TENM3: variants seen among roughly 807,000 people sequenced by gnomAD.
TENM3 encodes the protein teneurin transmembrane protein 3, also known as teneurin-3.
In TENM3, 63 loss-of-function variants were observed where a neutral mutation model predicts 255.1. That is an observed-to-expected ratio of 0.25 (90% CI 0.20 to 0.30). The LOEUF (loss-of-function observed/expected upper bound fraction) is 0.30. Ranked by LOEUF, TENM3 falls within the 10% of genes least tolerant of loss-of-function variation. The pLI, the probability that TENM3 is intolerant of heterozygous loss-of-function variation, is 1.00. For synonymous variants in TENM3, 1,306 were observed against 1,322.3 expected (o/e 0.99, Z 0.27); for missense variants, 2,929 against 3,461.1 (o/e 0.85, Z 3.86).
chr4:182,755,732 C>T (rs568472959), intron 22 of TENM3, among the ~76,000 whole-genome samples: 17 of 151,380 alleles, frequency 1.1e-4, no homozygotes, highest in East Asian at 5.9e-4. Flanking sequence ...CCCAGCTACT[C>T]GGGAGGCTGA....
chr4:181,556,085 G>T, the TENM3 span, among the ~76,000 whole-genome samples: 2 of 152,178 alleles, frequency 1.3e-5, no homozygotes, highest in African/African-American at 4.8e-5. Flanking sequence ...CAAGATGTTT[G>T]TCCTTAACAT....
the TENM3 span, among the ~76,000 whole-genome samples, chr4:181,864,422 A>G: frequency 1.3e-5 from 2 of 151,856 alleles, no homozygotes; most frequent in Non-Finnish European, 2.9e-5. Context: ...TGAATAACCC[A>G]GGAGACAAAA....
At chr4:181,601,483 A>G in the TENM3 span, among the ~76,000 whole-genome samples, 25 of 152,094 alleles carry the variant, frequency 1.6e-4, no homozygotes, top group African/African-American at 5.6e-4. Flanking sequence ...ATGTCCTCAT[A>G]TCATCAGCCC....
At chr4:181,698,145 C>T in the TENM3 span, among the ~76,000 whole-genome samples, 3 of 147,824 alleles carry the variant, frequency 2.0e-5, no homozygotes, top group Admixed American at 1.4e-4. Context: ...AACCGGGAGG[C>T]GGAGGTTGCA....
chr4:181,525,596 A>C, the TENM3 span, among the ~76,000 whole-genome samples: 1 of 152,102 alleles, frequency 6.6e-6, no homozygotes, highest in Non-Finnish European at 1.5e-5. Context: ...AGAAATCCTG[A>C]TGGTTTGCTC....
At chr4:181,595,388 G>T in the TENM3 span, among the ~76,000 whole-genome samples, 9 of 132,082 alleles carry the variant, frequency 6.8e-5, no homozygotes, top group African/African-American at 2.3e-4. Context: ...CTGAGGTCGC[G>T]CCACTGCACT....
chr4:181,821,645 AT>A, the TENM3 span: 5 of 152,238 alleles, frequency 3.3e-5, no homozygotes, highest in African/African-American at 1.2e-4. Context: ...ATGAGGTAGC[AT>A]GTTAAGATTA....
chr4:181,841,254 A>C, the TENM3 span, among the ~76,000 whole-genome samples: 84,829 of 151,878 alleles, frequency 0.56, 25,009 homozygotes, highest in East Asian at 0.74. Context: ...TTTTCTTAAA[A>C]CAATTTAAAA....
the TENM3 span, among the ~76,000 whole-genome samples, chr4:181,744,073 C>G: frequency 6.6e-6 from 1 of 152,106 alleles, no homozygotes; most frequent in Non-Finnish European, 1.5e-5. Flanking sequence ...GAACATGCGG[C>G]GTTTGGTTTT....
the TENM3 span, among the ~76,000 whole-genome samples, chr4:181,607,328 G>A: frequency 1.3e-4 from 20 of 152,212 alleles, no homozygotes; most frequent in Non-Finnish European, 2.2e-4. Context: ...CTAGCCATAA[G>A]CAGCTATGGA....
At chr4:181,886,715 A>G in the TENM3 span, among the ~76,000 whole-genome samples, 4 of 152,290 alleles carry the variant, frequency 2.6e-5, no homozygotes, top group Admixed American at 2.0e-4. Flanking sequence ...TTCATATTCA[A>G]ACTAAAACTT....
chr4:181,838,147 AAAAAGAAAGAAAG>A, the TENM3 span, among the ~76,000 whole-genome samples: 22 of 135,544 alleles, frequency 1.6e-4, no homozygotes, highest in South Asian at 2.5e-4. Context: ...TCAAAAAAAA[AAAAAGAAAGAAAG>A]AAAGAAAGAA....
chr4:182,436,619 A>G (rs144784193), intron 3 of TENM3, among the ~76,000 whole-genome samples: 21 of 152,366 alleles, frequency 1.4e-4, no homozygotes, highest in African/African-American at 5.0e-4. Context: ...ATAAAAGCAC[A>G]TGATATGGCT....
At chr4:181,479,423 G>T in the TENM3 span, among the ~76,000 whole-genome samples, 1 of 152,144 alleles carries the variant, frequency 6.6e-6, no homozygotes, top group Admixed American at 6.6e-5. Flanking sequence ...GAGAAACCCT[G>T]TGGTCTTTGC....
the TENM3 span, among the ~76,000 whole-genome samples, chr4:181,466,139 C>A: frequency 1.7e-5 from 2 of 119,108 alleles, no homozygotes; most frequent in Non-Finnish European, 3.5e-5. Context: ...TTTTTTGAGA[C>A]GGAGTTTCTC....
chr4:182,287,616 T>TTTA (rs1760820116), intron 1 of TENM3, among the ~76,000 whole-genome samples: 1 of 151,992 alleles, frequency 6.6e-6, no homozygotes, highest in Non-Finnish European at 1.5e-5. Flanking sequence ...TTATTGTTTA[T>TTTA]TTATTTATTT....
the TENM3 span, among the ~76,000 whole-genome samples, chr4:181,549,586 T>G: frequency 6.6e-6 from 1 of 152,236 alleles, no homozygotes; most frequent in Admixed American, 6.5e-5. Context: ...TTTTCTTTTC[T>G]AAAATGGATC....
chr4:181,685,207 G>A, the TENM3 span, among the ~76,000 whole-genome samples: 2 of 152,022 alleles, frequency 1.3e-5, no homozygotes, highest in East Asian at 3.9e-4. Context: ...TTCACCTCTG[G>A]TGGAGATTTT....
At chr4:181,797,331 C>A in the TENM3 span, among the ~76,000 whole-genome samples, 1 of 152,050 alleles carries the variant, frequency 6.6e-6, no homozygotes, top group African/African-American at 2.4e-5. Flanking sequence ...AAAGGGACAC[C>A]TCAGGAGAAC....
Sources: allele counts gnomAD v4.1 joint callset (sites outside exome capture counted in the v4.1 genomes callset), GRCh38; gene constraint gnomAD v4.1.1; transcripts MANE v1.5; gene names NCBI Gene and HGNC (gene_info 2026-07-23, HGNC 2026-07-21).